SGCZ: variants seen among roughly 807,000 people sequenced by gnomAD.
SGCZ encodes sarcoglycan zeta, also known as zeta-sarcoglycan.
A neutral mutation model predicts 41.3 loss-of-function variants in SGCZ; 40 were observed. The ratio of observed to expected loss-of-function variants is 0.97; its 90% CI spans 0.75 to 1.26. The LOEUF (loss-of-function observed/expected upper bound fraction) is 1.26. Ranked by LOEUF, SGCZ falls within the 50% of genes most tolerant of loss-of-function variation. The probability of loss-of-function intolerance (pLI) is 0.00; values close to 1 mark genes in which losing one functional copy is unlikely to be tolerated. For missense variants in SGCZ, 552 were observed against 369.8 expected (o/e 1.49, Z -4.04); for synonymous variants, 206 against 137.5 (o/e 1.50, Z -3.49).
intron 1 of SGCZ, among the ~76,000 whole-genome samples, chr8:14,561,591 T>A (rs561093219): frequency 1.3e-5 from 2 of 152,294 alleles, no homozygotes; most frequent in African/African-American, 4.8e-5. Flanking sequence ...TCACATTTTA[T>A]GTTTAAAAAG....
chr8:14,249,534 C>A (rs17214724), intron 3 of SGCZ, among the ~76,000 whole-genome samples: 3,754 of 152,216 alleles, frequency 0.025, 67 homozygotes, highest in Non-Finnish European at 0.038. Flanking sequence ...GGAGACCTTG[C>A]AAGTAGCAAT....
At chr8:15,165,312 C>T (rs1462999666) in intron 1 of SGCZ, among the ~76,000 whole-genome samples, 1 of 151,788 alleles carries the variant, frequency 6.6e-6, no homozygotes, top group East Asian at 1.9e-4. Context: ...AAAAAAACCT[C>T]TAATTAATTT....
At position 14,108,330 on chromosome 8, in the gene SGCZ, GAAAACTT is replaced by G. The variant is rs1387967002; in HGVS notation, c.548-102_548-96del. On this transcript the variant is annotated intron_variant, in intron 5 of 7. Coordinates refer to ENST00000382080, the MANE Select transcript of SGCZ (RefSeq NM_139167.4). ...GCATCAAATATTCTTCCAAAACAGAGAAAACTTAAAACAGGTACATATGATGTATTAG... is the reference window on the plus strand; with the variant it reads ...GCATCAAATATTCTTCCAAAACAGAGAAAACAGGTACATATGATGTATTAG... 11 of 1,145,574 alleles carry G rather than the reference GAAAACTT, an allele frequency of 9.6e-6. No homozygotes were observed. In the African/African-American group the frequency reaches 1.5e-4, roughly 16 times the overall value. The allele number at this position is 1,145,574 out of a possible 1,614,324, so 71.0% of individuals were successfully genotyped here. A position where few individuals can be genotyped will look rare whatever the true frequency, so the allele number is the denominator to read the frequency against.
chr8:14,565,202 A>G (rs1804321928), intron 1 of SGCZ, among the ~76,000 whole-genome samples: 1 of 152,300 alleles, frequency 6.6e-6, no homozygotes, highest in Admixed American at 6.5e-5. Flanking sequence ...TTTAAAAAAT[A>G]ATTTTTTTCA....
intron 5 of SGCZ, among the ~76,000 whole-genome samples, chr8:14,155,800 G>A (rs145847175): frequency 1.4e-4 from 21 of 152,010 alleles, no homozygotes; most frequent in Admixed American, 3.3e-4. Flanking sequence ...ATCATTTGGT[G>A]ATTTCGCCAT....
intron 1 of SGCZ, among the ~76,000 whole-genome samples, chr8:14,996,451 G>T (rs1200921536): frequency 6.6e-6 from 1 of 152,084 alleles, no homozygotes; most frequent in Non-Finnish European, 1.5e-5. Context: ...CCCCAGGCTG[G>T]AGTGTAATGG....
At chr8:14,340,802 A>C (rs966285778) in intron 2 of SGCZ, among the ~76,000 whole-genome samples, 1 of 152,164 alleles carries the variant, frequency 6.6e-6, no homozygotes, top group African/African-American at 2.4e-5. Flanking sequence ...AATAAAATTA[A>C]CCATTTAAAT....
intron 1 of SGCZ, among the ~76,000 whole-genome samples, chr8:15,226,373 A>G (rs1441352743): frequency 1.3e-5 from 2 of 152,210 alleles, no homozygotes; most frequent in East Asian, 1.9e-4. Flanking sequence ...GCTCCGCAAG[A>G]GTGTAACTCA....
chr8:14,808,729 G>T (rs993794760), intron 1 of SGCZ, among the ~76,000 whole-genome samples: 1 of 151,854 alleles, frequency 6.6e-6, no homozygotes, highest in African/African-American at 2.4e-5. Context: ...CCCATTACTG[G>T]GTATATACCC....
At chr8:14,119,791 A>G (rs1802641939) in intron 5 of SGCZ, among the ~76,000 whole-genome samples, 1 of 152,086 alleles carries the variant, frequency 6.6e-6, no homozygotes, top group Non-Finnish European at 1.5e-5. Flanking sequence ...AATTTTATCA[A>G]AGGCCTTTTC....
chr8:14,971,865 G>C (rs565492965), intron 1 of SGCZ, among the ~76,000 whole-genome samples: 40 of 151,890 alleles, frequency 2.6e-4, no homozygotes, highest in Non-Finnish European at 1.5e-5. Context: ...GGCCAGAATG[G>C]TTTCAATCAC....
chr8:14,973,961 A>G (rs530314012), intron 1 of SGCZ, among the ~76,000 whole-genome samples: 112 of 152,316 alleles, frequency 7.4e-4, no homozygotes, highest in African/African-American at 2.6e-3. Flanking sequence ...CAAAATTACA[A>G]CAGGAAATGA....
At chr8:14,486,009 T>C (rs1238028578) in intron 2 of SGCZ, among the ~76,000 whole-genome samples, 1 of 152,000 alleles carries the variant, frequency 6.6e-6, no homozygotes, top group South Asian at 2.1e-4. Context: ...GCCCGGCTAA[T>C]TTTTTGTATT....
chr8:15,043,150 T>A (rs1445695183), intron 1 of SGCZ, among the ~76,000 whole-genome samples: 1 of 152,194 alleles, frequency 6.6e-6, no homozygotes, highest in Non-Finnish European at 1.5e-5. Context: ...GTATCTCTAT[T>A]AAGGAAGACA....
chr8:14,517,410 G>T (rs994044125), intron 2 of SGCZ, among the ~76,000 whole-genome samples: 1 of 151,964 alleles, frequency 6.6e-6, no homozygotes. Flanking sequence ...TATATTTTGA[G>T]ACATAATAAT....
At chr8:14,313,648 CTT>C (rs1228212216) in intron 3 of SGCZ, among the ~76,000 whole-genome samples, 5 of 152,240 alleles carry the variant, frequency 3.3e-5, no homozygotes, top group African/African-American at 1.2e-4. Context: ...TCTGATAACT[CTT>C]AACACTGGAT....
intron 2 of SGCZ, among the ~76,000 whole-genome samples, chr8:14,475,843 AT>A (rs1585565239): frequency 6.6e-6 from 1 of 151,984 alleles, no homozygotes; most frequent in East Asian, 1.9e-4. Flanking sequence ...ATTTTATTTT[AT>A]TTTTTACTTA....
intron 5 of SGCZ, among the ~76,000 whole-genome samples, chr8:14,144,865 G>A (rs1228680538): frequency 6.6e-6 from 1 of 152,164 alleles, no homozygotes; most frequent in East Asian, 1.9e-4. Context: ...GGCCTGGAGT[G>A]GTGGTGGCTA....
intron 1 of SGCZ, among the ~76,000 whole-genome samples, chr8:14,768,076 T>C (rs924093095): frequency 3.3e-5 from 5 of 152,192 alleles, no homozygotes; most frequent in Non-Finnish European, 5.9e-5. Context: ...GTCCAATGCA[T>C]AGTGCACTCT....
Sources: allele counts gnomAD v4.1 joint callset (sites outside exome capture counted in the v4.1 genomes callset), GRCh38; gene constraint gnomAD v4.1.1; transcripts MANE v1.5; gene names NCBI Gene and HGNC (gene_info 2026-07-23, HGNC 2026-07-21).